The following MMADHC variants were observed in gnomAD, a reference collection of about 807,000 sequenced individuals.
MMADHC encodes metabolism of cobalamin associated D, also known as cobalamin trafficking protein CblD.
In MMADHC, 23 loss-of-function variants were observed where a neutral mutation model predicts 36.3. The ratio of observed to expected loss-of-function variants is 0.63; its 90% CI spans 0.46 to 0.90. MMADHC has a LOEUF of 0.90. Among genes scored for constraint, MMADHC ranks in the 40% least tolerant of loss-of-function variants. MMADHC has a pLI of 0.00. For synonymous variants in MMADHC, 97 were observed against 116.1 expected (o/e 0.84, Z 1.06); for missense variants, 330 against 348.0 (o/e 0.95, Z 0.41).
chr2:149,576,675 G>A, intron 4 of MMADHC, 133 bp from the exon 5 acceptor site: 1 of 676,118 alleles, frequency 1.5e-6, no homozygotes, highest in Non-Finnish European at 2.7e-6. Context: ...ACTGGGAGGT[G>A]AGGTAATAAC....
At chr2:149,571,596 C>T (rs936594819) in intron 6 of MMADHC, among the ~76,000 whole-genome samples, 18 of 151,984 alleles carry the variant, frequency 1.2e-4, no homozygotes, top group African/African-American at 3.4e-4. Context: ...CTGGCTAACA[C>T]GGTGAAACTC....
chr2:149,581,424 C>T (rs988904504), intron 3 of MMADHC, among the ~76,000 whole-genome samples: 5 of 151,804 alleles, frequency 3.3e-5, no homozygotes, highest in African/African-American at 1.2e-4. Context: ...TAATGTGTGC[C>T]ATGAAAAAAG....
Position 149,582,162 on chromosome 2 carries a change from T to A in MMADHC, c.119A>T (p.Asp40Val). 6.2e-7 allele frequency: 1 copy of A among 1,613,950 alleles called. No individual in the cohort carries two copies. The highest frequency in any genetic ancestry group is 8.5e-7 in the Non-Finnish European group (1 of 1,179,886). Residue 40 changes from aspartate to valine, a missense_variant, in exon 3 of 8, where the codon GAT becomes GTT. Transcript: ENST00000303319. ...AGGTGCAGCAGCCACATGAGACTCA[T>A]CCGAACCTGATGATCCTGCAGTCGA... ...AFSTAGSSGS[D>V]ESHVAAAPPD...
chr2:149,571,857 C>T (rs556435817), intron 6 of MMADHC, among the ~76,000 whole-genome samples: 30 of 151,268 alleles, frequency 2.0e-4, no homozygotes, highest in Admixed American at 3.3e-4. Flanking sequence ...AACATTCATT[C>T]GTTTAAATGA....
rs528082092 is a variant in MMADHC, at chr2:149,570,053, C to T, written c.812G>A (p.Gly271Asp). 3.7e-6 allele frequency: 6 copies of T among 1,613,650 alleles called. No homozygotes were observed. The African/African-American group carries it at 8.0e-5, about 22-fold the overall frequency. Residue 271 changes from glycine to aspartate, a missense_variant, in exon 8 of 8, where the codon GGT becomes GAT. By Grantham distance (94) the Gly-to-Asp change is moderately conservative (BLOSUM62 -1). Coordinates refer to ENST00000303319, the MANE Select transcript of MMADHC (RefSeq NM_015702.3). ...GATACTCCCTACAACTACATGGGTA[C>T]CCCAGAGACTATGACGAATCACTTT... ...CCKVIRHSLWGTHVVVGSIFT... is the reference protein window; with the variant it reads ...CCKVIRHSLWDTHVVVGSIFT...
At chr2:149,580,375 T>G (rs919208637) in intron 3 of MMADHC, among the ~76,000 whole-genome samples, 6 of 152,144 alleles carry the variant, frequency 3.9e-5, no homozygotes, top group African/African-American at 1.2e-4. Context: ...AAAAAAATCA[T>G]GCATCACATG....
intron 3 of MMADHC, among the ~76,000 whole-genome samples, chr2:149,581,690 A>G (rs1682796525): frequency 6.6e-6 from 1 of 152,206 alleles, no homozygotes; most frequent in Admixed American, 6.5e-5. Flanking sequence ...GGACATGGTT[A>G]AAATAATTTA....
At chr2:149,573,449 G>T (rs755378876) in intron 6 of MMADHC, among the ~76,000 whole-genome samples, 7 of 152,110 alleles carry the variant, frequency 4.6e-5, no homozygotes, top group Non-Finnish European at 1.0e-4. Context: ...AACCTCCTCT[G>T]CTTAGCTGTT....
In MMADHC at chr2:149,569,864, GAAAT is replaced by G. The variant is rs953132977; in HGVS notation, c.*106_*109del. ...CCAATGTTGTAAATTCATAAATGCT[GAAAT>G]AAATACTTAGAAATAAATATATTTT... On this transcript the variant is annotated 3_prime_UTR_variant, in exon 8 of 8. Coordinates refer to ENST00000303319, the MANE Select transcript of MMADHC (RefSeq NM_015702.3). 56 of 999,096 alleles carry G rather than the reference GAAAT, an allele frequency of 5.6e-5. 1 individual carries two copies. Among genetic ancestry groups the G allele is most frequent in the African/African-American group, 8.2e-5 (5 of 60,640 alleles). 61.9% of individuals were successfully genotyped at this position (999,096 alleles called of 1,614,324 possible).
In MMADHC at chr2:149,582,238, G is replaced by C. The variant is rs200819691; in HGVS notation, c.43C>G (p.Leu15Val). The part of the protein sequence containing the change: ...LCNRARLVSY[L>V]PGFCSLVKRV... ...TTAACTAAAGAGCAAAATCCTGGGA[G>C]ATAGGAAACCAGTCTGGCTCTGTTA... is the stretch of plus-strand genomic sequence containing the variant. The change falls in exon 3 of 8, where the codon CTC (leucine) becomes GTC (valine). Residue 15 changes from leucine to valine, a missense_variant. Physicochemically the swap from Leu to Val is conservative, Grantham distance 32. Coordinates refer to ENST00000303319, the MANE Select transcript of MMADHC (RefSeq NM_015702.3). 1 of 1,613,832 alleles carries C rather than the reference G, an allele frequency of 6.2e-7. No homozygotes were observed. Among genetic ancestry groups the C allele is most frequent in the East Asian group, 2.2e-5 (1 of 44,848 alleles).
At position 149,575,852 on chromosome 2, in the gene MMADHC, G is replaced by A; in HGVS notation, c.479-11C>T. 1 of 1,584,944 alleles carries A rather than the reference G, an allele frequency of 6.3e-7. No individual in the cohort carries two copies. Among genetic ancestry groups the A allele is most frequent in the Non-Finnish European group, 8.6e-7 (1 of 1,158,012 alleles). On this transcript the variant is annotated splice_polypyrimidine_tract_variant and intron_variant, in intron 5 of 7. Coordinates refer to ENST00000303319, the MANE Select transcript of MMADHC (RefSeq NM_015702.3). ...ACAGTGATTCAAAATCTACAAATAA[G>A]AATAAACATTCCAGGTAGAAAAGAA...
intron 4 of MMADHC, among the ~76,000 whole-genome samples, 182 bp from the exon 5 acceptor site, chr2:149,576,724 TA>T (rs769855772): frequency 6.6e-6 from 1 of 152,206 alleles, no homozygotes; most frequent in Non-Finnish European, 1.5e-5. Flanking sequence ...ACAATGAATA[TA>T]AGATTTGGAA....
intron 4 of MMADHC, 89 bp downstream of exon 4, chr2:149,579,342 C>A: frequency 7.8e-7 from 1 of 1,278,182 alleles, no homozygotes; most frequent in South Asian, 1.3e-5. Flanking sequence ...TGATTTTTTA[C>A]TTTTTCAACA....
Position 149,570,178 on chromosome 2 carries a change from TA to T in MMADHC, c.697-11del. The T allele has an allele frequency of 1.2e-6, 2 of 1,605,500 alleles. No individual in the cohort carries two copies. Among genetic ancestry groups the T allele is most frequent in the Non-Finnish European group, 1.7e-6 (2 of 1,172,908 alleles). ...TATATGGTCCAAAAAACTGAGGAAA[TA>T]AAAACGAAATATTCTCATTAGTAAG... On this transcript the variant is annotated splice_polypyrimidine_tract_variant and intron_variant, in intron 7 of 7. Coordinates refer to ENST00000303319, the MANE Select transcript of MMADHC (RefSeq NM_015702.3).
At chr2:149,579,301 G>A (rs1464894684) in intron 4 of MMADHC, 130 bp downstream of exon 4, 19 of 857,232 alleles carry the variant, frequency 2.2e-5, no homozygotes, top group East Asian at 5.3e-5. Flanking sequence ...TATATATGCT[G>A]TTTTTGTATA....
chr2:149,569,983 A>T lies in MMADHC; in HGVS notation c.882T>A (p.Ser294Arg), dbSNP rs772552592. The change falls in exon 8 of 8, where the codon AGT becomes AGA. Residue 294 changes from serine to arginine, a missense_variant. Physicochemically the swap from Ser to Arg is moderately radical, Grantham distance 110. Coordinates refer to ENST00000303319, the MANE Select transcript of MMADHC (RefSeq NM_015702.3). The part of the protein sequence containing the change: ...TPDSHIMKKL[S>R]GN ...TGAATGGATATTTCTGCTAATTTCC[A>T]CTTAATTTCTTCATAATATGGCTGT... The T allele has an allele frequency of 6.2e-7, 1 of 1,612,972 alleles. No individual in the cohort carries two copies. The highest frequency in any genetic ancestry group is 8.5e-7 in the Non-Finnish European group (1 of 1,179,056).
chr2:149,576,167 TA>T (rs1682713572), intron 5 of MMADHC, among the ~76,000 whole-genome samples: 1 of 151,884 alleles, frequency 6.6e-6, no homozygotes, highest in Admixed American at 6.5e-5. Flanking sequence ...CATAAAATTA[TA>T]ACTCTAATAA....
intron 7 of MMADHC, among the ~76,000 whole-genome samples, chr2:149,570,551 CTATCT>C (rs897468569): frequency 6.6e-6 from 1 of 152,118 alleles, no homozygotes; most frequent in African/African-American, 2.4e-5. Context: ...GTATATATTC[CTATCT>C]TAAGATTCAA....
intron 3 of MMADHC, 108 bp downstream of exon 3, chr2:149,582,019 C>T: frequency 7.9e-7 from 1 of 1,264,926 alleles, no homozygotes; most frequent in Non-Finnish European, 1.1e-6. Context: ...ACTGAACAAA[C>T]ACAACTTTAG....
Sources: gnomAD v4.1 joint callset for allele counts (sites outside exome capture counted in the v4.1 genomes callset) on GRCh38, gnomAD v4.1.1 for gene constraint, MANE v1.5 for transcripts, NCBI Gene and HGNC (gene_info 2026-07-23, HGNC 2026-07-21) for gene names.